The following ADD1 variants were observed in gnomAD, a reference collection of about 807,000 sequenced individuals.
ADD1 encodes the protein alpha-adducin.
ADD1 carries 24 observed loss-of-function variants against 80.5 expected under a neutral mutation model. The ratio of observed to expected loss-of-function variants is 0.30; its 90% CI spans 0.22 to 0.42. The LOEUF is 0.42. ADD1 is among the 10% of genes least tolerant of loss of function. The probability of loss-of-function intolerance (pLI) is 1.00; values close to 1 mark genes in which losing one functional copy is unlikely to be tolerated. For missense variants in ADD1, 948 were observed against 1,019.0 expected, an observed-to-expected ratio of 0.93 and a Z score of 0.95; for synonymous variants, 373 against 393.8, an observed-to-expected ratio of 0.95 and a Z score of 0.63.
At chr4:2,854,561 T>G (rs1339550538) in intron 1 of ADD1, among the ~76,000 whole-genome samples, 1 of 152,228 alleles carries the variant, frequency 6.6e-6, no homozygotes, top group Admixed American at 6.5e-5. Flanking sequence ...GTTGACAGTA[T>G]TTTATTAGGT....
chr4:2,928,087 T>G, intron 15 of ADD1, 84 bp from the exon 16 acceptor site: 1 of 1,229,638 alleles, frequency 8.1e-7, no homozygotes, highest in Non-Finnish European at 1.2e-6. Context: ...AATGGCAGTT[T>G]CGTGTGTGGG....
chr4:2,873,796 A>G (rs1730827025), intron 1 of ADD1, among the ~76,000 whole-genome samples: 1 of 152,238 alleles, frequency 6.6e-6, no homozygotes, highest in African/African-American at 2.4e-5. Context: ...TAATGAGGAA[A>G]TATTGCCAGA....
At position 2,898,420 on chromosome 4, in the gene ADD1, T is replaced by C. The variant is rs754031100; in HGVS notation, c.886-13T>C. 1 of 1,614,220 alleles carries C rather than the reference T, an allele frequency of 6.2e-7. No homozygotes were observed. Among genetic ancestry groups the C allele is most frequent in the Non-Finnish European group, 8.5e-7 (1 of 1,180,024 alleles). The stretch of plus-strand genomic sequence containing the variant: ...CCTGCCCAGCTCCACAGAGCATTCA[T>C]GCTTCCCCTCAGGTTCTTATTCTCC... On this transcript the variant is annotated splice_polypyrimidine_tract_variant and intron_variant, in intron 7 of 15. Coordinates refer to ENST00000683351, the MANE Select transcript of ADD1 (RefSeq NM_001354761.2).
chr4:2,852,851 C>G (rs1727524857), intron 1 of ADD1, among the ~76,000 whole-genome samples: 1 of 151,988 alleles, frequency 6.6e-6, no homozygotes, highest in African/African-American at 2.4e-5. Context: ...AGACCCACCC[C>G]ACCACACCCA....
At chr4:2,852,639 G>A (rs1021705505) in intron 1 of ADD1, among the ~76,000 whole-genome samples, 22 of 149,378 alleles carry the variant, frequency 1.5e-4, no homozygotes, top group Admixed American at 2.7e-4. Context: ...GCAGCATTCA[G>A]TGTCTTCTAT....
intron 9 of ADD1, 76 bp from the exon 10 acceptor site, chr4:2,904,688 C>T (rs1736740696): frequency 7.3e-7 from 1 of 1,365,338 alleles, no homozygotes; most frequent in African/African-American, 1.4e-5. Context: ...GTGGATGTTT[C>T]CACATGATTT....
At chr4:2,862,674 T>G (rs1728978948) in intron 1 of ADD1, among the ~76,000 whole-genome samples, 1 of 152,188 alleles carries the variant, frequency 6.6e-6, no homozygotes, top group Non-Finnish European at 1.5e-5. Flanking sequence ...TACTTAATGA[T>G]GTGACTCACC....
chr4:2,865,081 T>C (rs1729348192), intron 1 of ADD1, among the ~76,000 whole-genome samples: 1 of 152,210 alleles, frequency 6.6e-6, no homozygotes, highest in African/African-American at 2.4e-5. Context: ...TCTTCCTGCA[T>C]TTCTTTATGC....
At chr4:2,888,518 C>G (rs1733773501) in intron 4 of ADD1, among the ~76,000 whole-genome samples, 1 of 151,354 alleles carries the variant, frequency 6.6e-6, no homozygotes, top group Non-Finnish European at 1.5e-5. Context: ...CGAGTTCAGG[C>G]AATTCTGCTG....
At position 2,848,629 on chromosome 4, in the gene ADD1, T is replaced by C. The variant is rs530794593; in HGVS notation, c.-21+4605T>C. ...GACTGCAGGTTCATGCCAACAGGCT[T>C]GGCTAATTTTTTTTTTTTTTTGAGA... is the stretch of plus-strand genomic sequence containing the variant. On this transcript the variant is annotated intron_variant, in intron 1 of 15. Coordinates refer to ENST00000683351, the MANE Select transcript of ADD1 (RefSeq NM_001354761.2). Among the ~76,000 whole-genome samples the C allele has an allele frequency of 2.0e-5, 3 of 151,670 alleles. No homozygotes were observed. In the South Asian group the frequency reaches 6.2e-4, roughly 32 times the overall value.
At chr4:2,882,604 C>T (rs536956175) in intron 3 of ADD1, among the ~76,000 whole-genome samples, 1 of 152,320 alleles carries the variant, frequency 6.6e-6, no homozygotes, top group African/African-American at 2.4e-5. Flanking sequence ...TTGGATTAGT[C>T]TCTGATGGGT....
At chr4:2,862,691 C>G (rs1267175290) in intron 1 of ADD1, among the ~76,000 whole-genome samples, 1 of 152,180 alleles carries the variant, frequency 6.6e-6, no homozygotes. Flanking sequence ...CACCTCCCCA[C>G]CCCCTGGACT....
At chr4:2,845,928 A>T (rs1417494453) in intron 1 of ADD1, among the ~76,000 whole-genome samples, 1 of 152,196 alleles carries the variant, frequency 6.6e-6, no homozygotes, top group African/African-American at 2.4e-5. Flanking sequence ...ATATACACAT[A>T]TGTAGAGAGA....
At chr4:2,876,700 G>C (rs1018553004) in intron 2 of ADD1, among the ~76,000 whole-genome samples, 1 of 151,968 alleles carries the variant, frequency 6.6e-6, no homozygotes, top group Non-Finnish European at 1.5e-5. Context: ...TTAGCCAGGC[G>C]TAGTGGCGGG....
At chr4:2,848,863 C>A (rs140679049) in intron 1 of ADD1, among the ~76,000 whole-genome samples, 1 of 152,300 alleles carries the variant, frequency 6.6e-6, no homozygotes, top group African/African-American at 2.4e-5. Flanking sequence ...TCTATAAATA[C>A]ATTCTCAGAA....
intron 2 of ADD1, among the ~76,000 whole-genome samples, chr4:2,880,463 C>CTTTTTTTTTTTT (rs1167878841): frequency 1.6e-4 from 10 of 63,168 alleles, no homozygotes; most frequent in Non-Finnish European, 2.6e-4. Flanking sequence ...TTCTTTCTTT[C>CTTTTTTTTTTTT]TTTTTTTTTT....
chr4:2,873,154 C>T (rs550141033), intron 1 of ADD1, among the ~76,000 whole-genome samples: 6 of 152,090 alleles, frequency 3.9e-5, no homozygotes, highest in South Asian at 4.2e-4. Flanking sequence ...CCCCACGCCC[C>T]GCTAATTTTT....
At chr4:2,867,286 G>A (rs549120213) in intron 1 of ADD1, among the ~76,000 whole-genome samples, 91 of 152,264 alleles carry the variant, frequency 6.0e-4, no homozygotes, top group African/African-American at 2.1e-3. Context: ...GGAAAAATTA[G>A]GTCTGGAGTT....
chr4:2,908,378 A>C (rs369638289), intron 11 of ADD1, 137 bp from the exon 12 acceptor site: 7 of 725,708 alleles, frequency 9.6e-6, no homozygotes, highest in East Asian at 5.4e-5. Flanking sequence ...ACATGGGGCC[A>C]TCCTGCCTGC....
Sources: gnomAD v4.1 joint callset for allele counts (sites outside exome capture counted in the v4.1 genomes callset) on GRCh38, gnomAD v4.1.1 for gene constraint, MANE v1.5 for transcripts, NCBI Gene and HGNC (gene_info 2026-07-23, HGNC 2026-07-21) for gene names.